ADAR: variants seen among roughly 807,000 people sequenced by gnomAD.
ADAR encodes the protein double-stranded RNA-specific adenosine deaminase.
In ADAR, 41 loss-of-function variants were observed where a neutral mutation model predicts 113.2. That is an observed-to-expected ratio of 0.36 (90% confidence interval 0.28 to 0.47). The LOEUF is 0.47. Among genes scored for constraint, ADAR ranks in the 20% least tolerant of loss-of-function variants. The probability of loss-of-function intolerance (pLI) is 1.00; values close to 1 mark genes in which losing one functional copy is unlikely to be tolerated. For missense variants in ADAR, 1,242 were observed against 1,540.9 expected (o/e 0.81, Z 3.25); for synonymous variants, 605 against 572.6 (o/e 1.06, Z -0.81).
At chr1:154,595,530 G>GA (rs1557877363) in intron 6 of ADAR, among the ~76,000 whole-genome samples, 2 of 151,774 alleles carry the variant, frequency 1.3e-5, no homozygotes, top group Non-Finnish European at 2.9e-5. Context: ...TTTACAAACA[G>GA]AAAAAAGACT....
At chr1:154,623,081 AG>A (rs34718440) in intron 1 of ADAR, among the ~76,000 whole-genome samples, 3 of 152,212 alleles carry the variant, frequency 2.0e-5, no homozygotes, top group African/African-American at 7.2e-5. Context: ...TCTGTCCTCA[AG>A]GGGCTCTCCG....
Position 154,590,296 on chromosome 1 carries a change from T to G in ADAR, c.2384A>C (p.Glu795Ala). Residue 795 changes from glutamate (E) to alanine (A), a missense_variant, in exon 7 of 15, where the codon GAG becomes GCG. This residue lies in a region of ADAR where 780 missense variants were observed against 1,057.9 expected (regional missense o/e 0.74). Transcript: ENST00000368474. ...ADAALRVLIG[E>A]NEKAERMGFT... The stretch of plus-strand genomic sequence containing the variant: ...ACCCATGCGTTCTGCCTTCTCGTTC[T>G]CCCCAATCAAGACACGGAGAGCCGC... The G allele has an allele frequency of 6.2e-7, 1 of 1,614,126 alleles. No individual in the cohort carries two copies. The highest frequency in any genetic ancestry group is 8.5e-7 in the Non-Finnish European group (1 of 1,180,024).
chr1:154,608,173 G>A lies in ADAR; in HGVS notation c.-167C>T, dbSNP rs575652207. ...CCGCGGGTCTGCGCGCCGGGCCCAA[G>A]ATGGCTCCGGTTCAATTTCGCTTTC... On this transcript the variant is annotated 5_prime_UTR_variant, in exon 1 of 15. Coordinates refer to ENST00000368474, the MANE Select transcript of ADAR (RefSeq NM_001111.5). The A allele has an allele frequency of 1.2e-4, 97 of 794,222 alleles. No individual in the cohort carries two copies. The African/African-American group carries it at 1.3e-3, about 11-fold the overall frequency. 49.2% of individuals were successfully genotyped at this position (794,222 alleles called of 1,614,324 possible).
chr1:154,598,324 G>C lies in ADAR; in HGVS notation c.1785+78C>G, dbSNP rs556236397. On this transcript the variant is annotated intron_variant, in intron 3 of 14. Transcript: ENST00000368474. ...GAGATGGTGTCAGTTGTTTAGGCTG[G>C]GATTGCCTCAAGGGAGTCAGTTACA... The C allele has an allele frequency of 4.0e-5, 60 of 1,484,670 alleles. 1 individual carries two copies. In the South Asian group the frequency reaches 6.5e-4, roughly 16 times the overall value. The allele number at this position is 1,484,670 out of a possible 1,614,324, so 92.0% of individuals were successfully genotyped here.
In ADAR at chr1:154,588,684, AAAG is replaced by A; in HGVS notation, c.2763-14_2763-12del. The stretch of plus-strand genomic sequence containing the variant: ...TCACTGTAGAGAAACCTACAAAAAG[AAAG>A]TCTGGTTAGGAAGGCAGGTTCAATT... On this transcript the variant is annotated splice_polypyrimidine_tract_variant and intron_variant, in intron 9 of 14. Transcript: ENST00000368474. The A allele has an allele frequency of 6.2e-7, 1 of 1,614,194 alleles. No individual in the cohort carries two copies. Among genetic ancestry groups the A allele is most frequent in the Non-Finnish European group, 8.5e-7 (1 of 1,180,030 alleles).
intron 1 of ADAR, 129 bp downstream of exon 1, chr1:154,607,863 T>G (rs1571130336): frequency 3.5e-6 from 5 of 1,427,420 alleles, no homozygotes. Flanking sequence ...CAATGCTGCT[T>G]GGCAAGACGA....
At chr1:154,596,565 C>T (rs1697508276) in intron 6 of ADAR, among the ~76,000 whole-genome samples, 1 of 152,110 alleles carries the variant, frequency 6.6e-6, no homozygotes, top group Non-Finnish European at 1.5e-5. Flanking sequence ...TGTACCTATA[C>T]ATTTCTTTAA....
Position 154,601,594 on chromosome 1 carries a change from G to A in ADAR, c.1048C>T (p.Pro350Ser), listed in dbSNP as rs1323019244. 1.2e-6 allele frequency: 2 copies of A among 1,612,436 alleles called. No homozygotes were observed. Among genetic ancestry groups the A allele is most frequent in the Non-Finnish European group, 1.7e-6 (2 of 1,179,996 alleles). Reference protein sequence around the residue: ...QGDVYRQGTTPPIWHLTDKKR... With the variant: ...QGDVYRQGTTSPIWHLTDKKR... ...TTGTCTGTCAAATGCCATATGGGAG[G>A]GGTTGTCCCTTGTCTATAGACATCC... Residue 350 changes from proline to serine, a missense_variant, in exon 2 of 15, where the codon CCT becomes TCT. This residue lies in a region of ADAR where 462 missense variants were observed against 483.1 expected (regional missense o/e 0.96). Coordinates refer to ENST00000368474, the MANE Select transcript of ADAR (RefSeq NM_001111.5). This position sits in a 1 kb window ranked among gnomAD's most constrained non-coding sequence, Gnocchi z 4.7.
Position 154,602,166 on chromosome 1 carries a change from T to A in ADAR, c.476A>T (p.His159Leu). 1 of 1,614,228 alleles carries A rather than the reference T, an allele frequency of 6.2e-7. No homozygotes were observed. The highest frequency in any genetic ancestry group is 8.5e-7 in the Non-Finnish European group (1 of 1,180,034). Residue 159 changes from histidine to leucine, a missense_variant, in exon 2 of 15, where the codon CAT (histidine) becomes CTT (leucine). By Grantham distance (99) the His-to-Leu change is moderately conservative (BLOSUM62 -3). Around this residue, in one of 2 missense-constraint regions of ADAR, gnomAD observed 462 missense variants for 483.1 expected, o/e 0.96. Coordinates refer to ENST00000368474, the MANE Select transcript of ADAR (RefSeq NM_001111.5). ...ELGEGKATTA[H>L]DLSGKLGTPK... is the part of the protein sequence containing the mutation. ...AGTCCCAAGTTTCCCAGACAGATCA[T>A]GTGCTGTGGTGGCCTTCCCTTCCCC...
In ADAR at chr1:154,608,159, C is replaced by T. The variant is rs1698328097; in HGVS notation, c.-153G>A. ...CGGCACGGGAAACTCCGCGGGTCTG[C>T]GCGCCGGGCCCAAGATGGCTCCGGT... On this transcript the variant is annotated 5_prime_UTR_variant, in exon 1 of 15. Transcript: ENST00000368474. The T allele has an allele frequency of 3.3e-6, 3 of 919,480 alleles. No homozygotes were observed. The highest frequency in any genetic ancestry group is 4.0e-5 in the South Asian group (2 of 50,004). 57.0% of individuals were successfully genotyped at this position (919,480 alleles called of 1,614,324 possible).
Position 154,596,832 on chromosome 1 carries a change from T to C in ADAR, c.2243A>G (p.Asp748Gly). ...GGGCTCGTGAGGAGGTCCGGACTGGTCGACCAACTTGAATTCAGCAGCAAA... is the reference window on the plus strand; with the variant it reads ...GGGCTCGTGAGGAGGTCCGGACTGGCCGACCAACTTGAATTCAGCAGCAAA... ...HGFAAEFKLV[D>G]QSGPPHEPKF... is the part of the protein sequence containing the mutation. Residue 748 changes from aspartate to glycine, a missense_variant, in exon 6 of 15, where the codon GAC becomes GGC. This residue lies in a region of ADAR where 780 missense variants were observed against 1,057.9 expected (regional missense o/e 0.74). Coordinates refer to ENST00000368474, the MANE Select transcript of ADAR (RefSeq NM_001111.5). 6.2e-7 allele frequency: 1 copy of C among 1,613,614 alleles called. No homozygotes were observed. The highest frequency in any genetic ancestry group is 8.5e-7 in the Non-Finnish European group (1 of 1,180,022).
upstream of ADAR, among the ~76,000 whole-genome samples, chr1:154,612,927 T>A (rs1216257827): frequency 6.6e-6 from 1 of 152,036 alleles, no homozygotes; most frequent in Admixed American, 6.6e-5. Context: ...TTCTCCTGTC[T>A]CAGCCTCCCG....
chr1:154,603,510 T>C (rs1426321592), intron 1 of ADAR, among the ~76,000 whole-genome samples: 1 of 152,124 alleles, frequency 6.6e-6, no homozygotes, highest in Non-Finnish European at 1.5e-5. Context: ...CTACCTTCCC[T>C]AGCTACTTCC....
At chr1:154,610,568 TG>T (rs1698450770), upstream of ADAR, among the ~76,000 whole-genome samples, 1 of 152,070 alleles carries the variant, frequency 6.6e-6, no homozygotes, top group South Asian at 2.1e-4. Context: ...CCCAGCACTT[TG>T]GGAGGCCGAG....
At position 154,590,306 on chromosome 1, in the gene ADAR, AG is replaced by A; in HGVS notation, c.2373del (p.Leu792Ter). 6.2e-7 allele frequency: 1 copy of A among 1,614,084 alleles called. No individual in the cohort carries two copies. The highest frequency in any genetic ancestry group is 8.5e-7 in the Non-Finnish European group (1 of 1,180,006). ...KQEAADAALRVLIGENEKAER... is the reference protein window; with the variant it reads ...KQEAADAALRXLIGENEKAER... ...TCTGCCTTCTCGTTCTCCCCAATCA[AG>A]ACACGGAGAGCCGCATCTGCTGCTT... On this transcript the variant is annotated frameshift_variant, in exon 7 of 15. Coordinates refer to ENST00000368474, the MANE Select transcript of ADAR (RefSeq NM_001111.5). LOFTEE classifies it high-confidence loss of function.
upstream of ADAR, among the ~76,000 whole-genome samples, chr1:154,610,913 C>T (rs577091176): frequency 2.0e-5 from 3 of 150,968 alleles, no homozygotes; most frequent in South Asian, 2.1e-4. Flanking sequence ...TTTTGGGTAC[C>T]GGTGATGTTC....
At chr1:154,627,379 G>A (rs1212503441) in intron 1 of ADAR, among the ~76,000 whole-genome samples, 3 of 152,196 alleles carry the variant, frequency 2.0e-5, no homozygotes, top group Non-Finnish European at 4.4e-5. Context: ...GTTATCTCTG[G>A]GATAAAGGGC....
intron 1 of ADAR, among the ~76,000 whole-genome samples, chr1:154,617,862 A>G (rs767557097): frequency 1.3e-5 from 2 of 151,918 alleles, no homozygotes; most frequent in Non-Finnish European, 2.9e-5. Flanking sequence ...CTACATTATG[A>G]AACAAAAATA....
chr1:154,621,451 A>G (rs1028001008), intron 1 of ADAR, among the ~76,000 whole-genome samples: 2 of 152,224 alleles, frequency 1.3e-5, no homozygotes, highest in East Asian at 3.8e-4. Flanking sequence ...AAAAAGAATT[A>G]ACTGCAAATA....
Sources: gnomAD v4.1 joint callset for allele counts (sites outside exome capture counted in the v4.1 genomes callset) on GRCh38, gnomAD v4.1.1 for gene constraint, gnomAD v4.1.1 regional missense constraint, Gnocchi (gnomAD v3.1) non-coding constraint, MANE v1.5 for transcripts, NCBI Gene and HGNC (gene_info 2026-07-23, HGNC 2026-07-21) for gene names.